CLASP1: variants seen among roughly 807,000 people sequenced by gnomAD.
CLASP1 encodes cytoplasmic linker associated protein 1.
In CLASP1, 38 loss-of-function variants were observed where a neutral mutation model predicts 192.3. The ratio of observed to expected loss-of-function variants is 0.20; its 90% CI spans 0.15 to 0.26. CLASP1 has a LOEUF of 0.26. Ranked by LOEUF, CLASP1 falls within the 10% of genes least tolerant of loss-of-function variation. CLASP1 has a pLI of 1.00. For synonymous variants in CLASP1, 691 were observed against 712.8 expected (o/e 0.97, Z 0.49); for missense variants, 1,433 against 1,932.5 (o/e 0.74, Z 4.85).
intron 24 of CLASP1, among the ~76,000 whole-genome samples, chr2:121,408,377 A>G (rs2077212783): frequency 6.6e-6 from 1 of 152,220 alleles, no homozygotes; most frequent in South Asian, 2.1e-4. Flanking sequence ...AGGGTTTTGA[A>G]ACACAAATAG....
At chr2:121,425,618 A>C (rs950040804) in intron 21 of CLASP1, among the ~76,000 whole-genome samples, 1 of 152,142 alleles carries the variant, frequency 6.6e-6, no homozygotes, top group Admixed American at 6.5e-5. Context: ...ATTATGTTAA[A>C]AATTTTAGGT....
intron 16 of CLASP1, among the ~76,000 whole-genome samples, chr2:121,449,572 A>G (rs1975306): frequency 0.26 from 37,089 of 140,790 alleles, 7,394 homozygotes; most frequent in African/African-American, 0.56. Context: ...ACTTGAAATC[A>G]GTATCACATT....
chr2:121,498,400 T>C (rs1270465322), intron 8 of CLASP1, among the ~76,000 whole-genome samples: 1 of 151,510 alleles, frequency 6.6e-6, no homozygotes, highest in Non-Finnish European at 1.5e-5. Flanking sequence ...AGAGATGGAG[T>C]TTCACCATAT....
chr2:121,563,325 A>C (rs1397916977), intron 2 of CLASP1, among the ~76,000 whole-genome samples: 2 of 152,216 alleles, frequency 1.3e-5, no homozygotes, highest in Admixed American at 6.5e-5. Flanking sequence ...ACATTGAAAA[A>C]GGAGATGTAT....
chr2:121,431,337 A>G (rs892104348), intron 19 of CLASP1, among the ~76,000 whole-genome samples: 1 of 152,268 alleles, frequency 6.6e-6, no homozygotes, highest in African/African-American at 2.4e-5. Flanking sequence ...ACAACTATAT[A>G]TGAGTCCATT....
intron 1 of CLASP1, among the ~76,000 whole-genome samples, chr2:121,633,998 A>C (rs2070322524): frequency 7.8e-6 from 1 of 128,212 alleles, no homozygotes; most frequent in Admixed American, 7.8e-5. Context: ...ACTCCGTCTC[A>C]AAAAAAAAAA....
At chr2:121,642,754 C>T (rs563941971) in intron 1 of CLASP1, among the ~76,000 whole-genome samples, 1 of 152,146 alleles carries the variant, frequency 6.6e-6, no homozygotes, top group East Asian at 1.9e-4. Flanking sequence ...AAACAGTTTA[C>T]CAAAATTTGC....
At chr2:121,515,352 A>T (rs2094257703) in intron 7 of CLASP1, among the ~76,000 whole-genome samples, 1 of 152,220 alleles carries the variant, frequency 6.6e-6, no homozygotes, top group Non-Finnish European at 1.5e-5. Context: ...ACAGATATAG[A>T]TACAGAATCA....
exon 9 of CLASP1, chr2:121,469,921 C>G: frequency 6.2e-7 from 1 of 1,612,838 alleles, no homozygotes; most frequent in Non-Finnish European, 8.5e-7. Context: ...AGAGGAAGGT[C>G]TGTTACCATC....
intron 1 of CLASP1, among the ~76,000 whole-genome samples, chr2:121,614,662 A>G (rs1416412011): frequency 2.6e-5 from 4 of 152,204 alleles, no homozygotes; most frequent in Non-Finnish European, 4.4e-5. Flanking sequence ...ATATTCATAT[A>G]CCCTGTTTAT....
At chr2:121,545,337 T>A (rs1442529320) in intron 2 of CLASP1, among the ~76,000 whole-genome samples, 4 of 152,206 alleles carry the variant, frequency 2.6e-5, no homozygotes, top group South Asian at 4.1e-4. Context: ...AAAGTTTTTG[T>A]TTTTCTTTTA....
intron 1 of CLASP1, among the ~76,000 whole-genome samples, chr2:121,641,356 C>T (rs1041618197): frequency 9.9e-5 from 15 of 150,770 alleles, no homozygotes; most frequent in African/African-American, 2.9e-4. Flanking sequence ...AAACAGGTAT[C>T]GCCCACACCC....
At chr2:121,442,116 T>C (rs561256537) in intron 19 of CLASP1, among the ~76,000 whole-genome samples, 40 of 152,314 alleles carry the variant, frequency 2.6e-4, no homozygotes, top group African/African-American at 8.9e-4. Flanking sequence ...TTACTTATTT[T>C]GGGAAAAATA....
rs138382456 is a variant in CLASP1 at position 121,359,621 on chromosome 2, C to T, written c.4206+3551G>A. Among the ~76,000 whole-genome samples, 249 of 152,256 alleles carry T rather than the reference C, an allele frequency of 1.6e-3. 8 individuals carry two copies. The highest frequency in any genetic ancestry group is 0.015 in the Admixed American group (229 of 15,296). ...AGCCCTTTAAGGTATTTGCTAAATG[C>T]CAACTCTACTGCAAACCACGGTAAC... is the stretch of plus-strand genomic sequence containing the variant. On this transcript the variant is annotated intron_variant, in intron 37 of 39. Coordinates refer to ENST00000263710, the Ensembl canonical transcript of CLASP1.
chr2:121,611,114 TGGA>T (rs1321707877), intron 1 of CLASP1, among the ~76,000 whole-genome samples: 18 of 112,290 alleles, frequency 1.6e-4, no homozygotes, highest in African/African-American at 5.5e-4. Context: ...AAAGAGGAAC[TGGA>T]GGAGGAGGAG....
intron 19 of CLASP1, among the ~76,000 whole-genome samples, chr2:121,438,338 G>A (rs1261771968): frequency 6.6e-6 from 1 of 152,082 alleles, no homozygotes; most frequent in Non-Finnish European, 1.5e-5. Flanking sequence ...AAAGATTAGG[G>A]GTTTTTTTTC....
At chr2:121,401,830 T>C (rs939584703) in intron 27 of CLASP1, 38 bp downstream of exon 28, 5 of 769,872 alleles carry the variant, frequency 6.5e-6, no homozygotes, top group African/African-American at 3.4e-5. Flanking sequence ...GAAAATGTAG[T>C]GCAGAAAACA....
intron 9 of CLASP1, among the ~76,000 whole-genome samples, chr2:121,468,148 T>C (rs1245912201): frequency 1.3e-5 from 2 of 152,248 alleles, no homozygotes; most frequent in Non-Finnish European, 2.9e-5. Context: ...CATTGGTCTA[T>C]GTGTCTGTTC....
intron 18 of CLASP1, 141 bp downstream of exon 18, chr2:121,448,135 C>T (rs913913810): frequency 1.4e-6 from 1 of 695,474 alleles, no homozygotes. Flanking sequence ...AGAGTCAGGG[C>T]AGGGCAGAGC....
Sources: allele counts gnomAD v4.1 joint callset (sites outside exome capture counted in the v4.1 genomes callset), GRCh38; gene constraint gnomAD v4.1.1; transcripts MANE v1.5; gene names NCBI Gene and HGNC (gene_info 2026-07-23, HGNC 2026-07-21).